Variants in CCDC152 observed in about 807,000 individuals in gnomAD.
CCDC152 encodes coiled-coil domain containing 152, also known as coiled-coil domain-containing protein 152.
CCDC152 carries 37 observed loss-of-function variants against 38.1 expected under a neutral mutation model. The observed-to-expected ratio is 0.97, with a 90% CI of 0.75 to 1.28. CCDC152 has a LOEUF of 1.28. CCDC152 is among the 50% of genes most tolerant of loss of function. The pLI is 0.00. For synonymous variants in CCDC152, 83 were observed against 87.1 expected (o/e 0.95, Z 0.26); for missense variants, 259 against 292.1 (o/e 0.89, Z 0.83).
intron 4 of CCDC152, among the ~76,000 whole-genome samples, chr5:42,771,956 A>G (rs910514067): frequency 6.6e-6 from 1 of 152,204 alleles, no homozygotes; most frequent in Non-Finnish European, 1.5e-5. Context: ...AGACACTGCA[A>G]GGAAAGAAAA....
intron 5 of CCDC152, among the ~76,000 whole-genome samples, chr5:42,780,634 A>G (rs181107828): frequency 1.3e-5 from 2 of 152,230 alleles, no homozygotes; most frequent in Non-Finnish European, 2.9e-5. Flanking sequence ...AAACACCACA[A>G]CCCAAGAGTC....
At position 42,796,914 on chromosome 5, in the gene CCDC152, A is replaced by G. The variant is rs1392535437; in HGVS notation, c.516A>G (p.Gln172=). 2 of 1,530,584 alleles carry G rather than the reference A, an allele frequency of 1.3e-6. No individual in the cohort carries two copies. Among genetic ancestry groups the G allele is most frequent in the Admixed American group, 4.5e-5 (2 of 44,312 alleles). The allele number at this position is 1,530,584 out of a possible 1,614,324, so 94.8% of individuals were successfully genotyped here. A position where few individuals can be genotyped will look rare whatever the true frequency, so the allele number is the denominator to read the frequency against. Residue 172 remains glutamine, a synonymous_variant, in exon 7 of 9, where the codon CAA becomes CAG. Coordinates refer to ENST00000361970, the MANE Select transcript of CCDC152 (RefSeq NM_001134848.2). ...AGTTAAATGCAAAGCTAAGAAGTCA[A>G]GAAAAAGAAAAACAAAATGAAATAA... The part of the protein sequence containing the change: ...ISELNAKLRS[Q]EKEKQNEIIK...
At chr5:42,799,137 CA>C (rs1484641782) in intron 7 of CCDC152, among the ~76,000 whole-genome samples, 1 of 150,696 alleles carries the variant, frequency 6.6e-6, no homozygotes, top group African/African-American at 2.4e-5. Context: ...ACTTTAGAAA[CA>C]AAGAAAAAAA....
chr5:42,786,963 G>A (rs1211402912), intron 6 of CCDC152, among the ~76,000 whole-genome samples: 1 of 151,840 alleles, frequency 6.6e-6, no homozygotes, highest in African/African-American at 2.4e-5. Context: ...GGTTTTGCAA[G>A]TTCCTTTTGG....
At chr5:42,782,255 T>C (rs1313557921) in intron 5 of CCDC152, among the ~76,000 whole-genome samples, 1 of 152,242 alleles carries the variant, frequency 6.6e-6, no homozygotes, top group East Asian at 1.9e-4. Flanking sequence ...TATAGTAAGC[T>C]TGCTAGCTAT....
In CCDC152 at chr5:42,781,398, T is replaced by G. The variant is rs1265686143; in HGVS notation, c.327+1876T>G. On this transcript the variant is annotated intron_variant, in intron 5 of 8. Coordinates refer to ENST00000361970, the MANE Select transcript of CCDC152 (RefSeq NM_001134848.2). ...AACAAACAGGAATCCAGACAAAATC[T>G]CTTGAACTGAGATAATATGGAGGAA... Among the ~76,000 whole-genome samples, 3 of 152,088 alleles carry G rather than the reference T, an allele frequency of 2.0e-5. No individual in the cohort carries two copies. In the East Asian group the frequency reaches 5.8e-4, roughly 29 times the overall value.
chr5:42,786,234 A>C (rs954655975), intron 6 of CCDC152, among the ~76,000 whole-genome samples: 1 of 151,922 alleles, frequency 6.6e-6, no homozygotes, highest in South Asian at 2.1e-4. Context: ...TGGCCTGTAA[A>C]TACTCTAGTC....
At chr5:42,762,941 T>C (rs1759574431) in intron 3 of CCDC152, among the ~76,000 whole-genome samples, 1 of 152,220 alleles carries the variant, frequency 6.6e-6, no homozygotes, top group Non-Finnish European at 1.5e-5. Flanking sequence ...AAAATGAATC[T>C]GTACACATAT....
chr5:42,777,175 T>C (rs1759778515), intron 4 of CCDC152, among the ~76,000 whole-genome samples: 1 of 151,914 alleles, frequency 6.6e-6, no homozygotes, highest in Non-Finnish European at 1.5e-5. Flanking sequence ...ACTAAGGAAA[T>C]AGGAGAGATT....
At position 42,801,033 on chromosome 5, in the gene CCDC152, C is replaced by T. The variant is rs28919923; in HGVS notation, c.*1252C>T. 517 of 1,614,230 alleles carry T rather than the reference C, an allele frequency of 3.2e-4. 1 individual carries two copies. The East Asian group carries it at 0.011, about 33-fold the overall frequency. On this transcript the variant is annotated 3_prime_UTR_variant, in exon 9 of 9. Transcript: ENST00000361970. ...GAGTAATTGATTTATACATCTCTTT[C>T]GACAGAGCTTCTTTTGTAAATCTTG...
At chr5:42,781,461 G>A (rs1759843674) in intron 5 of CCDC152, among the ~76,000 whole-genome samples, 1 of 152,090 alleles carries the variant, frequency 6.6e-6, no homozygotes, top group African/African-American at 2.4e-5. Context: ...AGAAGCCAGT[G>A]TGTCTTGACC....
At chr5:42,788,009 T>G (rs1188305637) in intron 6 of CCDC152, among the ~76,000 whole-genome samples, 1 of 152,190 alleles carries the variant, frequency 6.6e-6, no homozygotes, top group Non-Finnish European at 1.5e-5. Context: ...CTTTATAGTC[T>G]CAGTTGTTTG....
intron 6 of CCDC152, 49 bp from the exon 7 acceptor site, chr5:42,796,780 A>G: frequency 8.2e-7 from 1 of 1,212,540 alleles, no homozygotes; most frequent in South Asian, 1.7e-5. Context: ...AACTTATAAT[A>G]ATTTTGAAAT....
In CCDC152 at chr5:42,783,582, T is replaced by A; in HGVS notation, c.430+6T>A. On this transcript the variant is annotated splice_donor_region_variant and intron_variant, in intron 6 of 8. Coordinates refer to ENST00000361970, the MANE Select transcript of CCDC152 (RefSeq NM_001134848.2). ...TCAGGACATGCAGAGAAAAGGTAAG[T>A]TTAAAATAAACTTGCTTTTTTGTTA... 2 of 1,325,512 alleles carry A rather than the reference T, an allele frequency of 1.5e-6. No homozygotes were observed. The highest frequency in any genetic ancestry group is 2.0e-6 in the Non-Finnish European group (2 of 1,022,790). 82.1% of individuals were successfully genotyped at this position (1,325,512 alleles called of 1,614,324 possible). A position where few individuals can be genotyped will look rare whatever the true frequency, so the allele number is the denominator to read the frequency against.
chr5:42,799,061 T>C (rs551059028), intron 7 of CCDC152, among the ~76,000 whole-genome samples: 6 of 152,296 alleles, frequency 3.9e-5, no homozygotes, highest in African/African-American at 1.4e-4. Context: ...AATCACGTGA[T>C]GTTTTGAGAA....
chr5:42,796,513 C>G (rs1336083846), intron 6 of CCDC152, among the ~76,000 whole-genome samples: 2 of 152,212 alleles, frequency 1.3e-5, no homozygotes, highest in African/African-American at 4.8e-5. Context: ...TTGAGCCCTT[C>G]ATACCTAGAA....
intron 7 of CCDC152, among the ~76,000 whole-genome samples, chr5:42,798,313 A>T (rs1026159083): frequency 2.0e-5 from 3 of 152,270 alleles, no homozygotes; most frequent in South Asian, 4.2e-4. Context: ...TTTACCTTGT[A>T]AGAATTCACA....
chr5:42,781,186 C>T (rs1759839513), intron 5 of CCDC152, among the ~76,000 whole-genome samples: 1 of 152,156 alleles, frequency 6.6e-6, no homozygotes, highest in Non-Finnish European at 1.5e-5. Context: ...GCAGCAACAG[C>T]TTAGTGCACA....
intron 3 of CCDC152, among the ~76,000 whole-genome samples, chr5:42,768,817 G>A (rs1759659727): frequency 6.6e-6 from 1 of 152,168 alleles, no homozygotes; most frequent in South Asian, 2.1e-4. Flanking sequence ...ACTTCTTATA[G>A]TTCCCCAGAT....
Sources: allele counts gnomAD v4.1 joint callset (sites outside exome capture counted in the v4.1 genomes callset), GRCh38; gene constraint gnomAD v4.1.1; transcripts MANE v1.5; gene names NCBI Gene and HGNC (gene_info 2026-07-23, HGNC 2026-07-21).